DYNC1LI1: variants seen among roughly 807,000 people sequenced by gnomAD.
DYNC1LI1 encodes the protein cytoplasmic dynein 1 light intermediate chain 1.
Under a neutral mutation model 63.8 loss-of-function variants are expected in DYNC1LI1, and 19 were observed. The observed-to-expected ratio is 0.30, with a 90% CI of 0.21 to 0.44. The LOEUF (loss-of-function observed/expected upper bound fraction) is 0.44. DYNC1LI1 is among the 20% of genes least tolerant of loss of function. DYNC1LI1 has a pLI of 1.00. For missense variants in DYNC1LI1, 565 were observed against 630.2 expected, an observed-to-expected ratio of 0.90 and a Z score of 1.11; for synonymous variants, 225 against 232.3, an observed-to-expected ratio of 0.97 and a Z score of 0.28.
intron 2 of DYNC1LI1, among the ~76,000 whole-genome samples, chr3:32,550,362 C>T (rs1345206067): frequency 6.6e-6 from 1 of 152,118 alleles, no homozygotes; most frequent in African/African-American, 2.4e-5. Flanking sequence ...ACCCGGGAGG[C>T]GGAAGTTGCA....
At chr3:32,558,127 AGGAGGCT>A (rs1344138577) in intron 2 of DYNC1LI1, among the ~76,000 whole-genome samples, 1 of 152,112 alleles carries the variant, frequency 6.6e-6, no homozygotes, top group African/African-American at 2.4e-5. Flanking sequence ...CCAGCTACTC[AGGAGGCT>A]GAGGTGGGAG....
intron 10 of DYNC1LI1, 64 bp downstream of exon 10, chr3:32,530,220 T>TA: frequency 1.5e-6 from 2 of 1,344,168 alleles, no homozygotes; most frequent in Non-Finnish European, 2.0e-6. Flanking sequence ...ACATAATTAA[T>TA]AAAAAATAAC....
chr3:32,528,380 G>T, intron 12 of DYNC1LI1, 66 bp downstream of exon 12: 1 of 1,567,076 alleles, frequency 6.4e-7, no homozygotes, highest in Non-Finnish European at 8.8e-7. Flanking sequence ...CTTTACATGA[G>T]TGAACTTCAT....
Position 32,530,534 on chromosome 3 carries a change from T to C in DYNC1LI1, c.1081-14A>G, listed in dbSNP as rs1337328001. On this transcript the variant is annotated splice_polypyrimidine_tract_variant and intron_variant, in intron 8 of 12. Transcript: ENST00000273130. ...CTCATGTACAAACTGAAATGAGCAA[T>C]GCACAAATGAGCAAATTTAATATAT... 1.9e-6 allele frequency: 3 copies of C among 1,607,862 alleles called. No individual in the cohort carries two copies. Among genetic ancestry groups the C allele is most frequent in the Non-Finnish European group, 1.7e-6 (2 of 1,175,830 alleles).
rs527775370 is a variant in DYNC1LI1 at position 32,537,900 on chromosome 3, AATAT to A, written c.739-800_739-797del. Among the ~76,000 whole-genome samples, 58 of 64,310 alleles carry A rather than the reference AATAT, an allele frequency of 9.0e-4. 1 individual carries two copies. The highest frequency in any genetic ancestry group is 4.0e-3 in the African/African-American group (55 of 13,590). 42.2% of individuals were successfully genotyped at this position (64,310 alleles called of 152,430 possible). ...ATATATATATATAATTTATATATAT[AATAT>A]ATATATATAATTTATATATATAATA... is the stretch of plus-strand genomic sequence containing the variant. On this transcript the variant is annotated intron_variant, in intron 5 of 12. Coordinates refer to ENST00000273130, the MANE Select transcript of DYNC1LI1 (RefSeq NM_016141.4).
At chr3:32,555,926 G>A (rs1698108798) in intron 2 of DYNC1LI1, among the ~76,000 whole-genome samples, 1 of 152,162 alleles carries the variant, frequency 6.6e-6, no homozygotes, top group Non-Finnish European at 1.5e-5. Flanking sequence ...CAACTTTTCT[G>A]TATGTTTGGA....
At chr3:32,543,986 G>C (rs369274248) in intron 4 of DYNC1LI1, among the ~76,000 whole-genome samples, 1 of 151,334 alleles carries the variant, frequency 6.6e-6, no homozygotes, top group African/African-American at 2.4e-5. Flanking sequence ...TTGAGCTGGT[G>C]GGGGGGCGGG....
At chr3:32,537,960 TAATATATATATATTTATATATAATA>T in intron 5 of DYNC1LI1, among the ~76,000 whole-genome samples, 1 of 3,174 alleles carries the variant, frequency 3.2e-4, no homozygotes, top group African/African-American at 1.3e-3. Context: ...TTTATATATA[TAATATATATATATTTATATATAATA>T]TATATATATA....
At chr3:32,529,697 G>A in intron 10 of DYNC1LI1, 37 bp from the exon 11 acceptor site, 1 of 1,527,756 alleles carries the variant, frequency 6.5e-7, no homozygotes, top group Non-Finnish European at 8.8e-7. Flanking sequence ...ATAAAAACCT[G>A]AAACTTTCAT....
At chr3:32,552,989 C>G (rs1698065182) in intron 2 of DYNC1LI1, among the ~76,000 whole-genome samples, 1 of 152,180 alleles carries the variant, frequency 6.6e-6, no homozygotes, top group Non-Finnish European at 1.5e-5. Context: ...GCCACCACAC[C>G]CGGCCTAAAA....
At chr3:32,537,937 A>ATAATTTATATATAAT (rs60796171) in intron 5 of DYNC1LI1, among the ~76,000 whole-genome samples, 1 of 13,888 alleles carries the variant, frequency 7.2e-5, no homozygotes, top group Non-Finnish European at 1.2e-4. Flanking sequence ...ATATATATAT[A>ATAATTTATATATAAT]ATATATATAT....
In DYNC1LI1 at chr3:32,534,512, T is replaced by G; in HGVS notation, c.967A>C (p.Ile323Leu). ...TTATATATTTAAGAGTACACTTACA[T>G]AAATACTGCATCCTTTTCCACAACA... ...AVVVEKDAVFIPAGWDNDKKI... is the reference protein window; with the variant it reads ...AVVVEKDAVFLPAGWDNDKKI... The change falls in exon 7 of 13, where the codon ATT (isoleucine) becomes CTT (leucine). Residue 323 changes from isoleucine to leucine, a missense_variant and splice_region_variant. By Grantham distance (5) the Ile-to-Leu change is conservative. Transcript: ENST00000273130. 1 of 1,574,868 alleles carries G rather than the reference T, an allele frequency of 6.3e-7. No homozygotes were observed. The highest frequency in any genetic ancestry group is 2.2e-5 in the East Asian group (1 of 44,516).
chr3:32,542,362 A>C (rs1002154694), intron 4 of DYNC1LI1, among the ~76,000 whole-genome samples: 2 of 151,686 alleles, frequency 1.3e-5, no homozygotes, highest in Admixed American at 1.3e-4. Context: ...CAGCATCCCA[A>C]AGTGTTGGGA....
At chr3:32,550,052 CT>C (rs1196214649) in intron 2 of DYNC1LI1, among the ~76,000 whole-genome samples, 2 of 152,076 alleles carry the variant, frequency 1.3e-5, no homozygotes, top group Non-Finnish European at 2.9e-5. Context: ...CAATAACAAG[CT>C]TGTGTCTTCC....
intron 2 of DYNC1LI1, among the ~76,000 whole-genome samples, chr3:32,567,498 T>C (rs910032712): frequency 6.6e-6 from 1 of 151,756 alleles, no homozygotes; most frequent in African/African-American, 2.4e-5. Flanking sequence ...ATGTAAAGCC[T>C]TGTCATAGGC....
At chr3:32,570,456 CG>C (rs1251766681) in intron 1 of DYNC1LI1, 37 bp from the exon 2 acceptor site, 17 of 1,553,654 alleles carry the variant, frequency 1.1e-5, no homozygotes, top group African/African-American at 1.4e-5. Context: ...GGCCGGAGGC[CG>C]GAGCCGCAGC....
chr3:32,535,836 T>C (rs1041333425), intron 6 of DYNC1LI1, among the ~76,000 whole-genome samples: 1 of 152,180 alleles, frequency 6.6e-6, no homozygotes, highest in African/African-American at 2.4e-5. Context: ...GGTCTCTATT[T>C]TGGTAGAAAG....
At chr3:32,547,999 A>G (rs1697979641) in intron 2 of DYNC1LI1, among the ~76,000 whole-genome samples, 1 of 152,046 alleles carries the variant, frequency 6.6e-6, no homozygotes, top group African/African-American at 2.4e-5. Context: ...TTACATGTAT[A>G]CACATACACA....
chr3:32,536,883 T>C, intron 6 of DYNC1LI1, 128 bp downstream of exon 6: 1 of 559,712 alleles, frequency 1.8e-6, no homozygotes, highest in African/African-American at 2.0e-5. Flanking sequence ...AAATGAAATT[T>C]CCAACCAGAG....
Sources: gnomAD v4.1 joint callset for allele counts (sites outside exome capture counted in the v4.1 genomes callset) on GRCh38, gnomAD v4.1.1 for gene constraint, MANE v1.5 for transcripts, NCBI Gene and HGNC (gene_info 2026-07-23, HGNC 2026-07-21) for gene names.